The following PRKD1 variants were observed in gnomAD, a reference collection of about 807,000 sequenced individuals.
The protein encoded by PRKD1 is protein kinase D1.
Under a neutral mutation model 95.9 loss-of-function variants are expected in PRKD1, and 63 were observed. The ratio of observed to expected loss-of-function variants is 0.66; its 90% CI spans 0.54 to 0.81. The LOEUF (loss-of-function observed/expected upper bound fraction) is 0.81, where lower values mean the gene tolerates loss of function less well. Ranked by LOEUF, PRKD1 falls within the 30% of genes least tolerant of loss-of-function variation. The pLI is 0.00. For missense variants in PRKD1, 1,048 were observed against 1,165.3 expected (o/e 0.90, Z 1.47); for synonymous variants, 425 against 423.1 (o/e 1.00, Z -0.05).
chr14:29,696,245 G>A (rs895731339), intron 2 of PRKD1, among the ~76,000 whole-genome samples: 87 of 152,100 alleles, frequency 5.7e-4, no homozygotes, highest in African/African-American at 2.0e-3. Flanking sequence ...TAGTAATAGA[G>A]TCAGGCCTAT....
intron 2 of PRKD1, among the ~76,000 whole-genome samples, chr14:29,668,509 A>G (rs1882652783): frequency 6.6e-6 from 1 of 152,174 alleles, no homozygotes; most frequent in African/African-American, 2.4e-5. Context: ...CCAGTGTGCA[A>G]GAGAAGAGAA....
At chr14:29,921,792 C>T (rs1895119307) in intron 1 of PRKD1, among the ~76,000 whole-genome samples, 1 of 152,078 alleles carries the variant, frequency 6.6e-6, no homozygotes, top group South Asian at 2.1e-4. Context: ...ATTCCAGTAA[C>T]CCCCACCACC....
intron 13 of PRKD1, among the ~76,000 whole-genome samples, chr14:29,606,565 A>G (rs1893710617): frequency 6.6e-6 from 1 of 152,190 alleles, no homozygotes; most frequent in Non-Finnish European, 1.5e-5. Context: ...CTAGCTCTTA[A>G]TAAGGAGATA....
intron 4 of PRKD1, chr14:29,650,570 G>C (rs943311778): frequency 1.3e-5 from 2 of 152,272 alleles, no homozygotes; most frequent in Non-Finnish European, 2.9e-5. Flanking sequence ...GACTGAATGG[G>C]GGGGGCAGGA....
intron 1 of PRKD1, among the ~76,000 whole-genome samples, chr14:29,810,014 G>A (rs1890412671): frequency 6.6e-6 from 1 of 152,144 alleles, no homozygotes; most frequent in Non-Finnish European, 1.5e-5. Context: ...GTTTATCAGG[G>A]AATAGAGAGG....
At chr14:29,912,859 C>T (rs777153667) in intron 1 of PRKD1, among the ~76,000 whole-genome samples, 6 of 152,292 alleles carry the variant, frequency 3.9e-5, no homozygotes, top group African/African-American at 7.2e-5. Flanking sequence ...GAGCACTTTA[C>T]GCTACAGCTT....
At chr14:29,755,685 GCCC>G (rs1341200153) in intron 1 of PRKD1, among the ~76,000 whole-genome samples, 2 of 152,074 alleles carry the variant, frequency 1.3e-5, no homozygotes. Context: ...CTGCCCTCCA[GCCC>G]TCCAAAAGTT....
intron 2 of PRKD1, among the ~76,000 whole-genome samples, chr14:29,691,272 C>G (rs923164925): frequency 6.6e-6 from 1 of 152,172 alleles, no homozygotes; most frequent in Non-Finnish European, 1.5e-5. Flanking sequence ...GCCAGTGGTT[C>G]TATACAGCCC....
intron 1 of PRKD1, among the ~76,000 whole-genome samples, chr14:29,838,537 T>C (rs1891698868): frequency 6.6e-6 from 1 of 152,184 alleles, no homozygotes; most frequent in South Asian, 2.1e-4. Flanking sequence ...TGGCTTTTAA[T>C]TGCACAGTGA....
At chr14:29,909,103 G>A (rs568687454) in intron 1 of PRKD1, among the ~76,000 whole-genome samples, 10 of 152,256 alleles carry the variant, frequency 6.6e-5, no homozygotes, top group South Asian at 2.1e-4. Context: ...GCTGGCCGGC[G>A]CTGCCAGCCC....
intron 1 of PRKD1, among the ~76,000 whole-genome samples, chr14:29,795,830 T>C (rs1021024561): frequency 2.6e-5 from 4 of 152,174 alleles, no homozygotes; most frequent in African/African-American, 9.6e-5. Context: ...ATTTTAGTTA[T>C]AATTCAACTT....
chr14:29,790,007 CTTTTTTTT>C (rs34880091), intron 1 of PRKD1, among the ~76,000 whole-genome samples: 1 of 97,314 alleles, frequency 1.0e-5, no homozygotes, highest in African/African-American at 4.3e-5. Flanking sequence ...AGCAAGTTGT[CTTTTTTTT>C]TTTTTTTTTT....
chr14:29,875,366 T>G (rs1296092905), intron 1 of PRKD1, among the ~76,000 whole-genome samples: 1 of 152,174 alleles, frequency 6.6e-6, no homozygotes, highest in Non-Finnish European at 1.5e-5. Context: ...AAATTGTGCC[T>G]ATGATGCAAC....
At chr14:29,662,369 CTT>C (rs1022915269) in intron 4 of PRKD1, among the ~76,000 whole-genome samples, 10 of 152,202 alleles carry the variant, frequency 6.6e-5, no homozygotes, top group Admixed American at 1.3e-4. Flanking sequence ...AAAACACAGA[CTT>C]TGACTTAAGC....
chr14:29,612,632 ATATC>A (rs927739837), intron 13 of PRKD1, among the ~76,000 whole-genome samples: 2 of 152,154 alleles, frequency 1.3e-5, no homozygotes, highest in African/African-American at 4.8e-5. Context: ...TTCTGACAGA[ATATC>A]TATTTGGAAA....
intron 4 of PRKD1, among the ~76,000 whole-genome samples, chr14:29,662,863 G>A (rs148346750): frequency 0.018 from 2,697 of 151,482 alleles, 37 homozygotes; most frequent in Middle Eastern, 0.041. Context: ...AATATCCATC[G>A]GGAGATAGAG....
chr14:29,772,643 C>CTCTA (rs1377193874), intron 1 of PRKD1, among the ~76,000 whole-genome samples: 3 of 152,096 alleles, frequency 2.0e-5, no homozygotes, highest in African/African-American at 7.2e-5. Flanking sequence ...TTACAACTGC[C>CTCTA]TCTAGGTTGC....
intron 1 of PRKD1, among the ~76,000 whole-genome samples, chr14:29,791,865 T>G (rs942367988): frequency 6.6e-6 from 1 of 152,254 alleles, no homozygotes; most frequent in Non-Finnish European, 1.5e-5. Flanking sequence ...AGGATTGGAA[T>G]AGCTGGAATA....
intron 13 of PRKD1, among the ~76,000 whole-genome samples, chr14:29,607,894 G>T (rs1259161226): frequency 6.6e-6 from 1 of 152,184 alleles, no homozygotes; most frequent in Non-Finnish European, 1.5e-5. Context: ...GGGGCATTCT[G>T]CCTACCACAC....
Sources: gnomAD v4.1 joint callset for allele counts (sites outside exome capture counted in the v4.1 genomes callset) on GRCh38, gnomAD v4.1.1 for gene constraint, MANE v1.5 for transcripts, NCBI Gene and HGNC (gene_info 2026-07-23, HGNC 2026-07-21) for gene names.